Variants in CAST observed in about 807,000 individuals in gnomAD.
CAST encodes the protein calpastatin, also known as MIR583 host.
Under a neutral mutation model 119.6 loss-of-function variants are expected in CAST, and 76 were observed. The ratio of observed to expected loss-of-function variants is 0.64; its 90% CI spans 0.53 to 0.77. The LOEUF (loss-of-function observed/expected upper bound fraction) is 0.77. CAST is among the 30% of genes least tolerant of loss of function. The probability of loss-of-function intolerance (pLI) is 0.00; values close to 1 mark genes in which losing one functional copy is unlikely to be tolerated. For missense variants in CAST, 953 were observed against 946.5 expected (o/e 1.01, Z -0.09); for synonymous variants, 319 against 331.6 (o/e 0.96, Z 0.41).
At chr5:96,420,787 A>AGAG in the CAST span, among the ~76,000 whole-genome samples, 2 of 143,350 alleles carry the variant, frequency 1.4e-5, no homozygotes, top group African/African-American at 2.6e-5. Flanking sequence ...GAGAGAGAGA[A>AGAG]AGAGAGAGAG....
chr5:96,752,976 A>G (rs1412358185), intron 20 of CAST, among the ~76,000 whole-genome samples: 2 of 149,878 alleles, frequency 1.3e-5, no homozygotes, highest in Non-Finnish European at 3.0e-5. Context: ...ACACACACAC[A>G]CACACACACA....
chr5:96,723,011 A>T (rs1187379867), intron 4 of CAST, among the ~76,000 whole-genome samples: 1 of 152,010 alleles, frequency 6.6e-6, no homozygotes, highest in Non-Finnish European at 1.5e-5. Flanking sequence ...TGGTGTGATT[A>T]CACTCACTGC....
At chr5:96,030,575 G>A in the CAST span, among the ~76,000 whole-genome samples, 6 of 152,118 alleles carry the variant, frequency 3.9e-5, no homozygotes, top group African/African-American at 1.2e-4. Flanking sequence ...AATATTATTT[G>A]CAGCCCCTTT....
chr5:96,554,386 C>A (rs539075141), intron 1 of CAST, among the ~76,000 whole-genome samples: 55 of 152,302 alleles, frequency 3.6e-4, no homozygotes, highest in African/African-American at 1.3e-3. Context: ...CTTCCTTACA[C>A]CTGACACAAA....
chr5:96,106,792 C>G, the CAST span, among the ~76,000 whole-genome samples: 1 of 149,174 alleles, frequency 6.7e-6, no homozygotes, highest in African/African-American at 2.5e-5. Flanking sequence ...GACTTTCTGT[C>G]TCGTTGATCT....
At chr5:95,998,396 A>G in the CAST span, among the ~76,000 whole-genome samples, 1 of 152,006 alleles carries the variant, frequency 6.6e-6, no homozygotes, top group Non-Finnish European at 1.5e-5. Flanking sequence ...TAATTTTTCA[A>G]CCCTCATCCC....
the CAST span, among the ~76,000 whole-genome samples, chr5:96,350,355 C>T: frequency 5.9e-5 from 9 of 152,080 alleles, 1 homozygote; most frequent in South Asian, 4.2e-4. Flanking sequence ...CTTCATCTGG[C>T]TCCATAAATC....
At chr5:96,746,226 A>G in intron 16 of CAST, 116 bp from the exon 17 acceptor site, 1 of 689,422 alleles carries the variant, frequency 1.5e-6, no homozygotes, top group Non-Finnish European at 2.7e-6. Flanking sequence ...GCTCTTCCAG[A>G]TGCTTTTACC....
the CAST span, among the ~76,000 whole-genome samples, chr5:96,217,661 T>A: frequency 1.3e-5 from 2 of 152,204 alleles, no homozygotes; most frequent in African/African-American, 4.8e-5. Context: ...GATCTATTAC[T>A]ATGCACAACA....
At chr5:96,272,374 C>T in the CAST span, among the ~76,000 whole-genome samples, 1 of 151,972 alleles carries the variant, frequency 6.6e-6, no homozygotes, top group Admixed American at 6.6e-5. Flanking sequence ...AGTGCCCACC[C>T]AGGGATGAAT....
the CAST span, among the ~76,000 whole-genome samples, chr5:96,437,636 C>A: frequency 6.6e-6 from 1 of 152,122 alleles, no homozygotes; most frequent in Non-Finnish European, 1.5e-5. Flanking sequence ...GTCCACATAC[C>A]AGCATTATAG....
chr5:96,678,002 T>C (rs1465143084), intron 2 of CAST, among the ~76,000 whole-genome samples: 3 of 152,140 alleles, frequency 2.0e-5, no homozygotes, highest in African/African-American at 7.2e-5. Flanking sequence ...TAATGAGATA[T>C]TGTGTCCTGG....
At chr5:96,671,400 C>A (rs1033660925) in intron 1 of CAST, among the ~76,000 whole-genome samples, 6 of 152,080 alleles carry the variant, frequency 3.9e-5, no homozygotes, top group South Asian at 2.1e-4. Flanking sequence ...TTGTTTTGTT[C>A]TCATTTCAGA....
the CAST span, among the ~76,000 whole-genome samples, chr5:96,354,960 C>T: frequency 1.5e-4 from 23 of 151,700 alleles, 1 homozygote; most frequent in East Asian, 4.1e-3. Flanking sequence ...TTGGTCAGTA[C>T]AGATTTCAAA....
At chr5:96,736,607 C>T (rs1761698523) in intron 10 of CAST, among the ~76,000 whole-genome samples, 1 of 151,916 alleles carries the variant, frequency 6.6e-6, no homozygotes, top group African/African-American at 2.4e-5. Context: ...AGCCTAACAG[C>T]CTTCAGATTG....
At chr5:96,358,185 A>G in the CAST span, among the ~76,000 whole-genome samples, 1 of 151,978 alleles carries the variant, frequency 6.6e-6, no homozygotes, top group Non-Finnish European at 1.5e-5. Context: ...TCTCCCCTCT[A>G]TCATTTTTTA....
the CAST span, chr5:96,213,561 T>A: frequency 1.3e-5 from 2 of 152,130 alleles, no homozygotes; most frequent in Non-Finnish European, 2.9e-5. Context: ...AGCAGAAGGA[T>A]CATCTTGAGG....
chr5:96,160,240 A>G, the CAST span, among the ~76,000 whole-genome samples: 1 of 151,732 alleles, frequency 6.6e-6, no homozygotes, highest in Non-Finnish European at 1.5e-5. Flanking sequence ...CAAAAATGAA[A>G]CCCCCTCTCT....
chr5:96,008,904 A>G, the CAST span, among the ~76,000 whole-genome samples: 1 of 152,200 alleles, frequency 6.6e-6, no homozygotes, highest in Non-Finnish European at 1.5e-5. Flanking sequence ...TGAGGTTTGG[A>G]GTATGGATCC....
Sources: allele counts gnomAD v4.1 joint callset (sites outside exome capture counted in the v4.1 genomes callset), GRCh38; gene constraint gnomAD v4.1.1; transcripts MANE v1.5; gene names NCBI Gene and HGNC (gene_info 2026-07-23, HGNC 2026-07-21).